TMEM132C: variants seen among roughly 807,000 people sequenced by gnomAD.
The protein encoded by TMEM132C is transmembrane protein 132C.
TMEM132C carries 29 observed loss-of-function variants against 61.4 expected under a neutral mutation model. The observed-to-expected ratio is 0.47, with a 90% confidence interval of 0.35 to 0.64. TMEM132C has a LOEUF of 0.64. TMEM132C is among the 30% of genes least tolerant of loss of function. The pLI is 0.00. For synonymous variants in TMEM132C, 656 were observed against 633.1 expected, an observed-to-expected ratio of 1.04 and a Z score of -0.54; for missense variants, 1,408 against 1,476.9, an observed-to-expected ratio of 0.95 and a Z score of 0.76.
chr12:128,467,774 C>A (rs185846599), intron 2 of TMEM132C, among the ~76,000 whole-genome samples: 8 of 152,326 alleles, frequency 5.3e-5, no homozygotes, highest in African/African-American at 1.7e-4. Context: ...GCCCTCTGTT[C>A]TTCTCAGCAT....
chr12:128,280,674 A>G (rs577645229), intron 1 of TMEM132C, among the ~76,000 whole-genome samples: 1 of 152,312 alleles, frequency 6.6e-6, no homozygotes, highest in African/African-American at 2.4e-5. Flanking sequence ...ATTTGTTTAA[A>G]AAGTGATTTA....
chr12:128,567,108 C>T lies in TMEM132C; in HGVS notation c.1121+23005C>T, dbSNP rs1015348483. Among the ~76,000 whole-genome samples the T allele has an allele frequency of 4.6e-5, 7 of 152,250 alleles. No homozygotes were observed. In the South Asian group the frequency reaches 1.0e-3, roughly 23 times the overall value. On this transcript the variant is annotated intron_variant, in intron 3 of 8. Coordinates refer to ENST00000435159, the MANE Select transcript of TMEM132C (RefSeq NM_001136103.3). ...ATTGACCCTTTAGAAAACATCCCAA[C>T]CCACTTTCAAGTTTTCCAGGACCAC...
chr12:128,391,269 A>G (rs974392003), intron 1 of TMEM132C, among the ~76,000 whole-genome samples: 1 of 152,158 alleles, frequency 6.6e-6, no homozygotes, highest in African/African-American at 2.4e-5. Context: ...GAGTGGCCTG[A>G]AGGCCAGGAG....
At chr12:128,382,202 G>A (rs1346594552) in intron 1 of TMEM132C, among the ~76,000 whole-genome samples, 3 of 152,110 alleles carry the variant, frequency 2.0e-5, no homozygotes, top group Admixed American at 1.3e-4. Flanking sequence ...GACCCTTCAC[G>A]TATTGTGTAC....
At chr12:128,425,776 C>A (rs1366761500) in intron 2 of TMEM132C, among the ~76,000 whole-genome samples, 3 of 152,158 alleles carry the variant, frequency 2.0e-5, no homozygotes, top group Non-Finnish European at 4.4e-5. Context: ...TGTGAATTTT[C>A]CCTCTGTGTT....
intron 1 of TMEM132C, among the ~76,000 whole-genome samples, chr12:128,380,526 G>T (rs1874365968): frequency 6.6e-6 from 1 of 152,196 alleles, no homozygotes; most frequent in African/African-American, 2.4e-5. Context: ...GAAATTGGAG[G>T]GAAGTACAAT....
At chr12:128,677,069 T>C (rs190432914) in intron 5 of TMEM132C, among the ~76,000 whole-genome samples, 276 of 152,306 alleles carry the variant, frequency 1.8e-3, no homozygotes, top group African/African-American at 6.3e-3. Context: ...AAACATGCAA[T>C]ATGGACAAGC....
At chr12:128,600,993 G>A (rs912489475) in intron 3 of TMEM132C, among the ~76,000 whole-genome samples, 7 of 152,050 alleles carry the variant, frequency 4.6e-5, no homozygotes, top group African/African-American at 1.4e-4. Flanking sequence ...AGTTAATTCA[G>A]CCTCTTCATT....
rs529725423 is a variant in TMEM132C at position 128,630,441 on chromosome 12, T to C, written c.1305+14106T>C. On this transcript the variant is annotated intron_variant, in intron 4 of 8. Coordinates refer to ENST00000435159, the MANE Select transcript of TMEM132C (RefSeq NM_001136103.3). This position sits in a 1 kb window ranked among gnomAD's most constrained non-coding sequence, Gnocchi z 4.3. Reference sequence around the variant, plus strand: ...TGCCCTTGAACTTCTCACAGCTGGCTCCCAGGCTTCATCCAGGCATCTACT... The same window carrying C: ...TGCCCTTGAACTTCTCACAGCTGGCCCCCAGGCTTCATCCAGGCATCTACT... 9.8e-5 allele frequency among the ~76,000 whole-genome samples: 15 copies of C among 152,300 alleles called. No homozygotes were observed. In the South Asian group the frequency reaches 3.1e-3, roughly 32 times the overall value.
At chr12:128,457,193 T>A (rs921769255) in intron 2 of TMEM132C, among the ~76,000 whole-genome samples, 10 of 152,126 alleles carry the variant, frequency 6.6e-5, no homozygotes, top group African/African-American at 1.4e-4. Context: ...TCACTTTTTT[T>A]AGGAACTGCC....
At position 128,278,416 on chromosome 12, in the gene TMEM132C, C is replaced by T. The variant is rs1194181146; in HGVS notation, c.85+10929C>T. Among the ~76,000 whole-genome samples the T allele has an allele frequency of 2.0e-5, 3 of 152,206 alleles. No individual in the cohort carries two copies. Among genetic ancestry groups the T allele is most frequent in the African/African-American group, 7.2e-5 (3 of 41,452 alleles). On this transcript the variant is annotated intron_variant, in intron 1 of 8. Transcript: ENST00000435159. The surrounding 1 kb of genome is among the most constrained non-coding windows in gnomAD (Gnocchi z 4.2). Reference sequence around the variant, plus strand: ...GTGTTTTCATCTGTCGTGTTCATATCCTATTAACTAAATGACGTTTCCTAG... The same window carrying T: ...GTGTTTTCATCTGTCGTGTTCATATTCTATTAACTAAATGACGTTTCCTAG...
intron 2 of TMEM132C, among the ~76,000 whole-genome samples, chr12:128,434,364 G>A (rs1422100015): frequency 6.6e-5 from 10 of 152,126 alleles, no homozygotes; most frequent in Admixed American, 1.3e-4. Context: ...GCATTGGTGC[G>A]ACCTCAGCTC....
chr12:128,666,329 TCACA>T (rs757022581), intron 4 of TMEM132C, among the ~76,000 whole-genome samples: 59 of 143,692 alleles, frequency 4.1e-4, no homozygotes, highest in African/African-American at 1.3e-3. Context: ...ACGCAGGCAC[TCACA>T]CACACAGGCA....
At chr12:128,409,338 G>T (rs558465320) in intron 1 of TMEM132C, among the ~76,000 whole-genome samples, 2 of 152,250 alleles carry the variant, frequency 1.3e-5, no homozygotes, top group Admixed American at 1.3e-4. Flanking sequence ...TGAGCCCCCA[G>T]TATTCAGCAA....
At chr12:128,347,717 C>G (rs1318070058) in intron 1 of TMEM132C, among the ~76,000 whole-genome samples, 1 of 152,166 alleles carries the variant, frequency 6.6e-6, no homozygotes, top group Non-Finnish European at 1.5e-5. Flanking sequence ...CGTGAGCCAC[C>G]ACGCCCAGCC....
chr12:128,439,985 G>A (rs1354512337), intron 2 of TMEM132C, among the ~76,000 whole-genome samples: 2 of 152,192 alleles, frequency 1.3e-5, no homozygotes, highest in African/African-American at 4.8e-5. Flanking sequence ...AGGGTATGTT[G>A]CACCATCTAT....
intron 4 of TMEM132C, among the ~76,000 whole-genome samples, chr12:128,652,657 A>G (rs1320879333): frequency 6.6e-6 from 1 of 152,228 alleles, no homozygotes; most frequent in Non-Finnish European, 1.5e-5. Flanking sequence ...GGTGGCCAGC[A>G]TGGCCACACT....
At chr12:128,471,857 A>G (rs964353685) in intron 2 of TMEM132C, among the ~76,000 whole-genome samples, 1 of 152,232 alleles carries the variant, frequency 6.6e-6, no homozygotes, top group Non-Finnish European at 1.5e-5. Context: ...CTTGTTGAAT[A>G]ACATAAATAA....
At chr12:128,327,133 G>A (rs1302000650) in intron 1 of TMEM132C, among the ~76,000 whole-genome samples, 2 of 150,004 alleles carry the variant, frequency 1.3e-5, no homozygotes, top group Non-Finnish European at 2.9e-5. Context: ...AATGGGGCAG[G>A]CAGCCCCTGT....
Sources: gnomAD v4.1 joint callset for allele counts (sites outside exome capture counted in the v4.1 genomes callset) on GRCh38, gnomAD v4.1.1 for gene constraint, Gnocchi (gnomAD v3.1) non-coding constraint, MANE v1.5 for transcripts, NCBI Gene and HGNC (gene_info 2026-07-23, HGNC 2026-07-21) for gene names.